ROBO2: variants seen among roughly 807,000 people sequenced by gnomAD.
ROBO2 encodes roundabout homolog 2.
A neutral mutation model predicts 160.8 loss-of-function variants in ROBO2; 53 were observed. The observed-to-expected ratio is 0.33, with a 90% CI of 0.26 to 0.41. The LOEUF is 0.41. Ranked by LOEUF, ROBO2 falls within the 10% of genes least tolerant of loss-of-function variation. ROBO2 has a pLI of 1.00. For synonymous variants in ROBO2, 664 were observed against 611.7 expected, an observed-to-expected ratio of 1.09 and a Z score of -1.26; for missense variants, 1,577 against 1,722.4, an observed-to-expected ratio of 0.92 and a Z score of 1.49.
At chr3:76,885,072 G>A (rs895547229) in intron 2 of ROBO2, among the ~76,000 whole-genome samples, 9 of 152,238 alleles carry the variant, frequency 5.9e-5, no homozygotes, top group African/African-American at 1.9e-4. Context: ...AGGGACGTCT[G>A]AATGATTTAA....
In ROBO2 at chr3:76,710,126, C is replaced by CTT. The variant is rs34165260; in HGVS notation, c.110-387878_110-387877dup. On this transcript the variant is annotated intron_variant, in intron 2 of 26. Coordinates refer to the ROBO2 transcript ENST00000487694. Reference sequence around the variant, plus strand: ...ACACTTGTCCTTTTCTTTTTCTTTTCTTTTTTTTTTTGAGATAGAGTCTCA... The same window carrying CTT: ...ACACTTGTCCTTTTCTTTTTCTTTTCTTTTTTTTTTTTTGAGATAGAGTCTCA... Among the ~76,000 whole-genome samples the CTT allele has an allele frequency of 9.0e-3, 1,318 of 147,164 alleles. 20 individuals are homozygous for CTT. Among genetic ancestry groups the CTT allele is most frequent in the African/African-American group, 0.03 (1,204 of 40,314 alleles).
intron 2 of ROBO2, among the ~76,000 whole-genome samples, chr3:77,459,535 T>G (rs528757531): frequency 6.6e-6 from 1 of 152,216 alleles, no homozygotes; most frequent in African/African-American, 2.4e-5. Flanking sequence ...TACATTTTAT[T>G]AAAAGCAGAT....
At chr3:76,763,674 A>G (rs995539584) in intron 2 of ROBO2, among the ~76,000 whole-genome samples, 1 of 151,694 alleles carries the variant, frequency 6.6e-6, no homozygotes, top group African/African-American at 2.4e-5. Flanking sequence ...TTGAAAGCTA[A>G]CTGGAACCTC....
intron 2 of ROBO2, among the ~76,000 whole-genome samples, chr3:76,931,034 T>G (rs554848543): frequency 4.6e-4 from 70 of 152,250 alleles, no homozygotes; most frequent in African/African-American, 1.5e-3. Flanking sequence ...AGAGTTGGAA[T>G]TTTCATCTCT....
intron 7 of ROBO2, among the ~76,000 whole-genome samples, chr3:77,549,451 T>C (rs1324883001): frequency 6.6e-6 from 1 of 152,032 alleles, no homozygotes; most frequent in Admixed American, 6.6e-5. Context: ...TTTCTATGCA[T>C]GAAAATGTCT....
chr3:76,032,314 G>A (rs1374976364), intron 2 of ROBO2, among the ~76,000 whole-genome samples: 6 of 152,106 alleles, frequency 3.9e-5, no homozygotes, highest in African/African-American at 1.4e-4. Flanking sequence ...CCAGCGCTTG[G>A]ATTCATTGAT....
intron 2 of ROBO2, among the ~76,000 whole-genome samples, chr3:76,752,729 A>T (rs965443890): frequency 2.6e-5 from 4 of 151,888 alleles, no homozygotes; most frequent in Admixed American, 1.3e-4. Context: ...AGAAAATTAA[A>T]CATGTTTCTT....
At chr3:77,500,238 T>C (rs548879913) in intron 5 of ROBO2, among the ~76,000 whole-genome samples, 2 of 152,342 alleles carry the variant, frequency 1.3e-5, no homozygotes, top group African/African-American at 2.4e-5. Flanking sequence ...TTTTTACATA[T>C]GTTAATTCCA....
chr3:77,531,910 C>G (rs1177914405), intron 6 of ROBO2, among the ~76,000 whole-genome samples: 1 of 152,046 alleles, frequency 6.6e-6, no homozygotes, highest in African/African-American at 2.4e-5. Context: ...CTGCACCTGG[C>G]ACTAATTAGC....
At chr3:76,603,025 A>G (rs2087281325) in intron 2 of ROBO2, among the ~76,000 whole-genome samples, 2 of 152,038 alleles carry the variant, frequency 1.3e-5, no homozygotes, top group African/African-American at 4.8e-5. Flanking sequence ...TCTGAAAATC[A>G]TTCTTTGTTA....
chr3:77,192,650 C>CTTTTT lies in ROBO2; in HGVS notation c.388+94327_388+94331dup, dbSNP rs71629633. Among the ~76,000 whole-genome samples the CTTTTT allele has an allele frequency of 8.0e-3, 878 of 109,962 alleles. 21 individuals are homozygous for CTTTTT. Among genetic ancestry groups the CTTTTT allele is most frequent in the Non-Finnish European group, 9.6e-3 (553 of 57,456 alleles). 72.1% of individuals were successfully genotyped at this position (109,962 alleles called of 152,430 possible). On this transcript the variant is annotated intron_variant, in intron 2 of 25. Coordinates refer to ENST00000461745, the Ensembl canonical transcript of ROBO2. Reference sequence around the variant, plus strand: ...TCCATTTTATGAACAAACACAATTCCTTTTTTTTTTTTTTTTTTTTTGAGA... The same window carrying CTTTTT: ...TCCATTTTATGAACAAACACAATTCCTTTTTTTTTTTTTTTTTTTTTTTTTTGAGA...
intron 2 of ROBO2, among the ~76,000 whole-genome samples, chr3:76,623,968 C>T (rs1349104521): frequency 2.6e-5 from 4 of 151,934 alleles, no homozygotes; most frequent in Admixed American, 6.6e-5. Flanking sequence ...TTTTATCAGT[C>T]AACAACTATC....
chr3:76,859,665 A>G (rs2070529300), intron 2 of ROBO2, among the ~76,000 whole-genome samples: 1 of 152,196 alleles, frequency 6.6e-6, no homozygotes, highest in Admixed American at 6.5e-5. Flanking sequence ...AAGCAAAAAG[A>G]TTCCCATAAC....
intron 2 of ROBO2, among the ~76,000 whole-genome samples, chr3:76,174,794 C>CA (rs1349159736): frequency 6.6e-6 from 1 of 152,072 alleles, no homozygotes; most frequent in Non-Finnish European, 1.5e-5. Flanking sequence ...AGTCAGATAG[C>CA]ATGATGCCTC....
At chr3:77,236,927 G>A (rs937636269) in intron 2 of ROBO2, among the ~76,000 whole-genome samples, 4 of 152,172 alleles carry the variant, frequency 2.6e-5, no homozygotes, top group African/African-American at 9.7e-5. Context: ...AGGCTGGAGT[G>A]CAGTGGTGCA....
chr3:77,192,011 T>A lies in ROBO2; in HGVS notation c.388+93671T>A, dbSNP rs184735456. 9.2e-5 allele frequency among the ~76,000 whole-genome samples: 14 copies of A among 152,236 alleles called. No individual in the cohort carries two copies. In the East Asian group the frequency reaches 2.5e-3, roughly 27 times the overall value. On this transcript the variant is annotated intron_variant, in intron 2 of 25. Transcript: ENST00000461745. The stretch of plus-strand genomic sequence containing the variant: ...ATACAGTTCTGTTTGGGGAAGCAAT[T>A]GTGGGAATGAGTAGTAATGTCTAAA...
intron 2 of ROBO2, among the ~76,000 whole-genome samples, chr3:76,393,377 AAAT>A (rs1391280100): frequency 6.6e-6 from 1 of 152,176 alleles, no homozygotes; most frequent in Non-Finnish European, 1.5e-5. Context: ...ATATCTTAAT[AAAT>A]AAAATTTCAT....
intron 1 of ROBO2, among the ~76,000 whole-genome samples, chr3:75,916,939 T>C (rs977005662): frequency 2.0e-5 from 3 of 152,076 alleles, no homozygotes; most frequent in African/African-American, 7.2e-5. Flanking sequence ...TTCACACTCA[T>C]AATGTACATA....
chr3:76,014,000 T>A, intron 2 of ROBO2, among the ~76,000 whole-genome samples: 1 of 43,012 alleles, frequency 2.3e-5, no homozygotes, highest in African/African-American at 7.6e-5. Flanking sequence ...AGGCTGGGCA[T>A]GGTGGTTTAT....
Sources: gnomAD v4.1 joint callset for allele counts (sites outside exome capture counted in the v4.1 genomes callset) on GRCh38, gnomAD v4.1.1 for gene constraint, MANE v1.5 for transcripts, NCBI Gene and HGNC (gene_info 2026-07-23, HGNC 2026-07-21) for gene names.